CCR3: variants seen among roughly 807,000 people sequenced by gnomAD.
CCR3 encodes the protein C-C chemokine receptor type 3.
For missense variants in CCR3, 419 were observed against 437.5 expected, an observed-to-expected ratio of 0.96 and a Z score of 0.38; for synonymous variants, 203 against 179.2, an observed-to-expected ratio of 1.13 and a Z score of -1.06.
chr3:46,241,164 G>A (rs80179549), upstream of CCR3, among the ~76,000 whole-genome samples: 1 of 47,836 alleles, frequency 2.1e-5, no homozygotes, highest in Non-Finnish European at 3.7e-5. Flanking sequence ...ACATGTGTGT[G>A]CGCTCTCTCT....
At chr3:46,239,843 C>T (rs933276005), upstream of CCR3, among the ~76,000 whole-genome samples, 1 of 152,152 alleles carries the variant, frequency 6.6e-6, no homozygotes, top group Admixed American at 6.5e-5. Context: ...GTGGGATTTC[C>T]ACCCAGAAAA....
At chr3:46,216,875 C>A (rs1422524153) in intron 2 of CCR3, among the ~76,000 whole-genome samples, 1 of 151,962 alleles carries the variant, frequency 6.6e-6, no homozygotes, top group African/African-American at 2.4e-5. Context: ...GAAATAAAAC[C>A]TCAAAATATA....
chr3:46,258,139 A>T (rs1275743873), intron 1 of CCR3, among the ~76,000 whole-genome samples: 1 of 152,152 alleles, frequency 6.6e-6, no homozygotes, highest in Non-Finnish European at 1.5e-5. Flanking sequence ...TCACAGACAC[A>T]CTCAATACAA....
At position 46,233,075 on chromosome 3, in the gene CCR3, C is replaced by G. The variant is rs144584622; in HGVS notation, c.-67-9327C>G. ...CTCGAACTCCTGACCTCGTGATCCA[C>G]GTGTCTCAGCCTCCCAAAGTGCTGG... On this transcript the variant is annotated intron_variant, in intron 2 of 3. Transcript: ENST00000357422. Among the ~76,000 whole-genome samples the G allele has an allele frequency of 6.6e-3, 1,007 of 152,364 alleles. 7 individuals are homozygous for G. Among genetic ancestry groups the G allele is most frequent in the Non-Finnish European group, 0.011 (782 of 68,038 alleles).
At chr3:46,215,038 C>G (rs1699758187) in intron 2 of CCR3, among the ~76,000 whole-genome samples, 1 of 152,046 alleles carries the variant, frequency 6.6e-6, no homozygotes, top group Non-Finnish European at 1.5e-5. Context: ...TAAGTGCTCG[C>G]AAGAATGGGG....
chr3:46,253,770 GT>G (rs1172371329), intron 1 of CCR3, among the ~76,000 whole-genome samples: 2 of 152,048 alleles, frequency 1.3e-5, no homozygotes, highest in Non-Finnish European at 2.9e-5. Flanking sequence ...TGTTATACTG[GT>G]AAATTTTGTG....
At chr3:46,230,356 T>A (rs1699947974) in intron 2 of CCR3, among the ~76,000 whole-genome samples, 2 of 151,742 alleles carry the variant, frequency 1.3e-5, no homozygotes, top group South Asian at 4.2e-4. Flanking sequence ...GCCTCTGGAG[T>A]GGAATGGAAA....
intron 2 of CCR3, among the ~76,000 whole-genome samples, chr3:46,214,411 T>C (rs1317058088): frequency 2.6e-5 from 4 of 152,164 alleles, no homozygotes; most frequent in Admixed American, 2.0e-4. Context: ...CTCAAGGACA[T>C]TGCTCTATTG....
At chr3:46,265,110 C>A in intron 1 of CCR3, 38 bp from the exon 2 acceptor site, 1 of 1,337,298 alleles carries the variant, frequency 7.5e-7, no homozygotes, top group Non-Finnish European at 1.1e-6. Context: ...GATGATTATG[C>A]TTCATTGTGG....
chr3:46,252,523 T>G (rs757450342), intron 1 of CCR3, among the ~76,000 whole-genome samples: 1 of 152,092 alleles, frequency 6.6e-6, no homozygotes, highest in Non-Finnish European at 1.5e-5. Flanking sequence ...ACATTTCCAC[T>G]AATACAGAAA....
rs537061416 is a variant in CCR3, at chr3:46,257,322, T to G, written c.-11-7826T>G. 1.2e-4 allele frequency among the ~76,000 whole-genome samples: 18 copies of G among 152,302 alleles called. No individual in the cohort carries two copies. In the East Asian group the frequency reaches 3.3e-3, roughly 28 times the overall value. On this transcript the variant is annotated intron_variant, in intron 1 of 1. Transcript: ENST00000395940. ...TTTAAAAGTCCGTTTATTGCTTGGC[T>G]GTTGCAATTAAAGGATTGGTGCTTT...
At chr3:46,237,756 G>A (rs1700039023), upstream of CCR3, among the ~76,000 whole-genome samples, 1 of 152,210 alleles carries the variant, frequency 6.6e-6, no homozygotes, top group African/African-American at 2.4e-5. Flanking sequence ...AATTATTTCT[G>A]GGCTCTCTAT....
chr3:46,265,079 C>A, intron 1 of CCR3, 69 bp from the exon 2 acceptor site: 1 of 997,116 alleles, frequency 1.0e-6, no homozygotes, highest in Non-Finnish European at 1.5e-6. Context: ...ATGAATAAAT[C>A]AACTGGTGTG....
At chr3:46,235,894 G>T (rs929739031) in intron 2 of CCR3, among the ~76,000 whole-genome samples, 31 of 152,240 alleles carry the variant, frequency 2.0e-4, no homozygotes, top group African/African-American at 7.5e-4. Flanking sequence ...TTCCTTGCAA[G>T]ATGCTGATGC....
chr3:46,226,924 T>G (rs1479358630), intron 2 of CCR3, among the ~76,000 whole-genome samples: 1 of 152,042 alleles, frequency 6.6e-6, no homozygotes, highest in Non-Finnish European at 1.5e-5. Flanking sequence ...CAGGCTGGAG[T>G]GCAGTGGCAT....
At chr3:46,259,682 C>T (rs1381863989) in intron 1 of CCR3, among the ~76,000 whole-genome samples, 2 of 151,986 alleles carry the variant, frequency 1.3e-5, no homozygotes, top group African/African-American at 2.4e-5. Context: ...TGAGGTTTTT[C>T]CAGAGGCTCT....
At chr3:46,255,258 A>G (rs1375982949) in intron 1 of CCR3, among the ~76,000 whole-genome samples, 2 of 150,884 alleles carry the variant, frequency 1.3e-5, no homozygotes, top group Non-Finnish European at 3.0e-5. Context: ...TTTTTTCTTG[A>G]TGATTTGTTT....
intron 2 of CCR3, among the ~76,000 whole-genome samples, chr3:46,230,327 T>G (rs865802901): frequency 1.3e-5 from 2 of 152,070 alleles, no homozygotes; most frequent in South Asian, 4.1e-4. Context: ...AAAATTCAAC[T>G]CCTGAATTTT....
At chr3:46,221,002 A>G (rs894034934) in intron 2 of CCR3, among the ~76,000 whole-genome samples, 1 of 152,220 alleles carries the variant, frequency 6.6e-6, no homozygotes, top group Non-Finnish European at 1.5e-5. Context: ...AACTATTGAA[A>G]TAATAAAATA....
Sources: gnomAD v4.1 joint callset for allele counts (sites outside exome capture counted in the v4.1 genomes callset) on GRCh38, gnomAD v4.1.1 for gene constraint, MANE v1.5 for transcripts, NCBI Gene and HGNC (gene_info 2026-07-23, HGNC 2026-07-21) for gene names.